TPTE: variants seen among roughly 807,000 people sequenced by gnomAD.
The protein encoded by TPTE is transmembrane phosphatase with tensin homology, also known as putative tyrosine-protein phosphatase TPTE.
In TPTE, 59 loss-of-function variants were observed where a neutral mutation model predicts 84.1. The observed-to-expected ratio is 0.70, with a 90% CI of 0.57 to 0.87. TPTE has a LOEUF of 0.87. Ranked by LOEUF, TPTE falls within the 40% of genes least tolerant of loss-of-function variation. The pLI is 0.00. For missense variants in TPTE, 382 were observed against 659.6 expected (o/e 0.58, Z 4.61); for synonymous variants, 130 against 223.5 (o/e 0.58, Z 3.73).
intron 21 of TPTE, among the ~76,000 whole-genome samples, chr21:10,598,327 T>A (rs1278071174): frequency 6.6e-6 from 1 of 152,312 alleles, no homozygotes; most frequent in Non-Finnish European, 1.5e-5. Context: ...CTGGTCAGTG[T>A]TGCTTTCCCT....
chr21:10,589,988 C>T (rs1239181391), intron 17 of TPTE, among the ~76,000 whole-genome samples: 1 of 152,304 alleles, frequency 6.6e-6, no homozygotes, highest in Non-Finnish European at 1.5e-5. Flanking sequence ...GGTGTTGATA[C>T]ATGGTGTTTC....
chr21:10,555,270 C>T (rs1163867565), intron 8 of TPTE, among the ~76,000 whole-genome samples: 3 of 152,280 alleles, frequency 2.0e-5, no homozygotes, highest in African/African-American at 7.2e-5. Context: ...TGCAGTGGCT[C>T]CACTCAGCTC....
chr21:10,541,119 C>G lies in TPTE; in HGVS notation c.19C>G (p.Pro7Ala). The part of the protein sequence containing the change: MNESPD[P>A]TDLAGVIIEL... ...ACCATATTTGTCCTTTAGTCCTGAT[C>G]CGACTGACCTGGCGGGAGTCATCAT... The change falls in exon 5 of 24, where the codon CCG becomes GCG. Residue 7 changes from proline to alanine, a missense_variant. Physicochemically the swap from Pro to Ala is conservative, Grantham distance 27 (BLOSUM62 -1). This residue lies in a region of TPTE where 63 missense variants were observed against 49.5 expected (regional missense o/e 1.27). Transcript: ENST00000618007. The G allele has an allele frequency of 6.2e-7, 1 of 1,613,238 alleles. No homozygotes were observed. Among genetic ancestry groups the G allele is most frequent in the Non-Finnish European group, 8.5e-7 (1 of 1,179,280 alleles).
At chr21:10,568,862 T>C (rs531741567) in intron 11 of TPTE, among the ~76,000 whole-genome samples, 1 of 152,426 alleles carries the variant, frequency 6.6e-6, no homozygotes, top group Non-Finnish European at 1.5e-5. Flanking sequence ...AGACCATCAG[T>C]TCTCTGCTTC....
At position 10,566,419 on chromosome 21, in the gene TPTE, TA is replaced by T. The variant is rs2074922484; in HGVS notation, c.447-1250del. ...ATACACTGTTCATGGAAATGTAAAT[TA>T]GTAGAACCAATTGGAGAACAGTTTG... On this transcript the variant is annotated intron_variant, in intron 10 of 23. Transcript: ENST00000618007. Among the ~76,000 whole-genome samples, 8 of 152,424 alleles carry T rather than the reference TA, an allele frequency of 5.2e-5. No individual in the cohort carries two copies. The South Asian group carries it at 1.7e-3, about 32-fold the overall frequency.
intron 5 of TPTE, among the ~76,000 whole-genome samples, chr21:10,541,589 C>T (rs1214299746): frequency 6.6e-6 from 1 of 152,306 alleles, no homozygotes; most frequent in African/African-American, 2.4e-5. Context: ...GTTTCTTTGA[C>T]ACAGGTTCTT....
chr21:10,562,560 A>G (rs1357806594), intron 10 of TPTE, among the ~76,000 whole-genome samples: 3 of 152,308 alleles, frequency 2.0e-5, no homozygotes, highest in Admixed American at 2.0e-4. Flanking sequence ...AAGTTTAACA[A>G]AGAGATTGAA....
chr21:10,586,338 C>T (rs2075365771), intron 17 of TPTE, among the ~76,000 whole-genome samples: 1 of 152,278 alleles, frequency 6.6e-6, no homozygotes, highest in Non-Finnish European at 1.5e-5. Flanking sequence ...TAGAAATATA[C>T]TTCCTTATTT....
chr21:10,523,575 T>G (rs1222778465), intron 1 of TPTE, among the ~76,000 whole-genome samples: 1 of 152,298 alleles, frequency 6.6e-6, no homozygotes, highest in Non-Finnish European at 1.5e-5. Flanking sequence ...CTTGCGATAG[T>G]TTACTGAGAA....
intron 10 of TPTE, 103 bp downstream of exon 10, chr21:10,561,294 C>T (rs1166338020): frequency 3.0e-5 from 44 of 1,461,394 alleles, no homozygotes; most frequent in African/African-American, 7.2e-5. Flanking sequence ...GAGTTCGAGA[C>T]GATCCTGGCC....
chr21:10,573,808 T>A (rs1376225611), intron 14 of TPTE, among the ~76,000 whole-genome samples: 33 of 152,350 alleles, frequency 2.2e-4, no homozygotes, highest in Admixed American at 1.8e-3. Context: ...TCTCTCATTC[T>A]CCAGTAGGCT....
chr21:10,568,505 A>G (rs2074972179), intron 11 of TPTE, among the ~76,000 whole-genome samples: 1 of 152,306 alleles, frequency 6.6e-6, no homozygotes, highest in South Asian at 2.1e-4. Flanking sequence ...TGAAAGAGCA[A>G]ATGTATACTG....
intron 1 of TPTE, among the ~76,000 whole-genome samples, chr21:10,522,482 C>G (rs1261170675): frequency 1.3e-5 from 2 of 152,312 alleles, no homozygotes; most frequent in East Asian, 3.8e-4. Flanking sequence ...CGTAGGGTCC[C>G]CAGCGATGCC....
At chr21:10,555,840 A>G (rs1455058302) in intron 8 of TPTE, among the ~76,000 whole-genome samples, 2 of 152,308 alleles carry the variant, frequency 1.3e-5, no homozygotes, top group Non-Finnish European at 2.9e-5. Flanking sequence ...TAATTATACC[A>G]TTTTTTCCAT....
intron 23 of TPTE, 81 bp from the exon 24 acceptor site, chr21:10,605,336 C>A (rs1207202332): frequency 1.3e-6 from 2 of 1,520,286 alleles, no homozygotes; most frequent in East Asian, 2.4e-5. Context: ...TTTGTTTCTT[C>A]CAGCTCTAAC....
chr21:10,560,821 TTTG>T (rs1232822955), intron 9 of TPTE, among the ~76,000 whole-genome samples: 2 of 152,312 alleles, frequency 1.3e-5, no homozygotes, highest in Non-Finnish European at 2.9e-5. Context: ...TGGTGAGAAT[TTTG>T]TTTATTAAGA....
chr21:10,602,044 GT>G lies in TPTE; in HGVS notation c.1357-13del, dbSNP rs539332859. The G allele has an allele frequency of 2.9e-4, 473 of 1,606,368 alleles. No individual in the cohort carries two copies. In the African/African-American group the frequency reaches 4.0e-3, roughly 14 times the overall value. ...CTAGGTTTATAGTTCTCAATTCCAT[GT>G]GTTCATTCATAGGTACTTGATAACA... On this transcript the variant is annotated splice_polypyrimidine_tract_variant and intron_variant, in intron 21 of 23. Coordinates refer to ENST00000618007, the MANE Select transcript of TPTE (RefSeq NM_199261.4).
chr21:10,592,628 GTTGA>G (rs1475749245), intron 19 of TPTE, among the ~76,000 whole-genome samples: 1 of 152,308 alleles, frequency 6.6e-6, no homozygotes, highest in African/African-American at 2.4e-5. Flanking sequence ...GAGCTCAGGA[GTTGA>G]TTATTTTCCC....
chr21:10,530,148 C>T (rs1356666899), intron 3 of TPTE, among the ~76,000 whole-genome samples: 1 of 152,426 alleles, frequency 6.6e-6, no homozygotes, highest in Admixed American at 6.5e-5. Context: ...TTGACATGTT[C>T]CCATCACTTT....
Sources: gnomAD v4.1 joint callset for allele counts (sites outside exome capture counted in the v4.1 genomes callset) on GRCh38, gnomAD v4.1.1 for gene constraint, gnomAD v4.1.1 regional missense constraint, MANE v1.5 for transcripts, NCBI Gene and HGNC (gene_info 2026-07-23, HGNC 2026-07-21) for gene names.